DENND1A: variants seen among roughly 807,000 people sequenced by gnomAD.
DENND1A encodes DENN domain containing 1A.
Under a neutral mutation model 113.7 loss-of-function variants are expected in DENND1A, and 51 were observed. The ratio of observed to expected loss-of-function variants is 0.45; its 90% confidence interval spans 0.36 to 0.57. The LOEUF is 0.57. DENND1A is among the 20% of genes least tolerant of loss of function. The probability of loss-of-function intolerance (pLI) is 0.00; values close to 1 mark genes in which losing one functional copy is unlikely to be tolerated. For synonymous variants in DENND1A, 565 were observed against 570.8 expected (o/e 0.99, Z 0.14); for missense variants, 1,258 against 1,395.9 (o/e 0.90, Z 1.57).
chr9:123,499,329 C>T (rs991863813), intron 13 of DENND1A, among the ~76,000 whole-genome samples: 7 of 152,244 alleles, frequency 4.6e-5, no homozygotes, highest in African/African-American at 7.2e-5. Flanking sequence ...CCAGCACGCT[C>T]GGCCTCACTT....
In DENND1A at chr9:123,620,350, A is replaced by T. The variant is rs188154566; in HGVS notation, c.719+10026T>A. Among the ~76,000 whole-genome samples, 4 of 152,148 alleles carry T rather than the reference A, an allele frequency of 2.6e-5. No individual in the cohort carries two copies. The East Asian group carries it at 7.7e-4, about 29-fold the overall frequency. On this transcript the variant is annotated intron_variant, in intron 10 of 23. Coordinates refer to ENST00000394215, the MANE Select transcript of DENND1A (RefSeq NM_001352964.2). ...AGGAAATGAAGGTGCATCTCAGTGTAGGGCTCAGTGACTGTTATCACCTCA... is the reference window on the plus strand; with the variant it reads ...AGGAAATGAAGGTGCATCTCAGTGTTGGGCTCAGTGACTGTTATCACCTCA...
intron 12 of DENND1A, among the ~76,000 whole-genome samples, chr9:123,580,502 C>T (rs2136646396): frequency 6.6e-6 from 1 of 152,354 alleles, no homozygotes; most frequent in Admixed American, 6.5e-5. Flanking sequence ...CAGAGCAGTG[C>T]AGGTGGGACC....
chr9:123,397,980 C>T (rs1205205440), intron 21 of DENND1A, among the ~76,000 whole-genome samples: 1 of 152,164 alleles, frequency 6.6e-6, no homozygotes, highest in Non-Finnish European at 1.5e-5. Context: ...CAGTGTCTCA[C>T]CCATTAGGAG....
intron 5 of DENND1A, among the ~76,000 whole-genome samples, chr9:123,691,401 G>A (rs1302251950): frequency 6.6e-6 from 1 of 152,186 alleles, no homozygotes. Flanking sequence ...GCTAAGTGAG[G>A]AAGGCGAACT....
chr9:123,660,366 C>T (rs1263418063), intron 8 of DENND1A, among the ~76,000 whole-genome samples: 2 of 151,894 alleles, frequency 1.3e-5, no homozygotes, highest in Admixed American at 1.3e-4. Context: ...GCAAAACCAG[C>T]AGAAGGAATG....
intron 2 of DENND1A, among the ~76,000 whole-genome samples, chr9:123,825,015 A>G (rs1352561277): frequency 6.6e-6 from 1 of 152,190 alleles, no homozygotes; most frequent in Non-Finnish European, 1.5e-5. Context: ...CCCAATAAAT[A>G]ATGAATATTT....
chr9:123,415,730 C>T (rs896734782), intron 19 of DENND1A, among the ~76,000 whole-genome samples: 1 of 152,168 alleles, frequency 6.6e-6, no homozygotes, highest in African/African-American at 2.4e-5. Flanking sequence ...TGAGGCCAGT[C>T]ACGAGGGCCC....
At chr9:123,427,157 G>C (rs998668217) in intron 19 of DENND1A, among the ~76,000 whole-genome samples, 1 of 152,210 alleles carries the variant, frequency 6.6e-6, no homozygotes, top group Admixed American at 6.5e-5. Flanking sequence ...GATGCCCTAT[G>C]GCATGATCAC....
chr9:123,668,980 A>G (rs1418861569), intron 7 of DENND1A, among the ~76,000 whole-genome samples: 1 of 152,234 alleles, frequency 6.6e-6, no homozygotes, highest in Non-Finnish European at 1.5e-5. Context: ...TTCACTTAAT[A>G]GCACAGAACC....
chr9:123,600,916 C>T (rs1390160894), intron 11 of DENND1A, among the ~76,000 whole-genome samples: 1 of 152,098 alleles, frequency 6.6e-6, no homozygotes, highest in Non-Finnish European at 1.5e-5. Context: ...CCAGTGCCCA[C>T]GAGCTCTCTG....
chr9:123,879,036 G>C lies in DENND1A; in HGVS notation c.18-15C>G. On this transcript the variant is annotated splice_polypyrimidine_tract_variant and intron_variant, in intron 1 of 23. Coordinates refer to ENST00000394215, the MANE Select transcript of DENND1A (RefSeq NM_001352964.2). ...CTGGATTCTGCCTACAAAAGAAACAGATCATGATTACTGACAAAGATTGAG... is the reference window on the plus strand; with the variant it reads ...CTGGATTCTGCCTACAAAAGAAACACATCATGATTACTGACAAAGATTGAG... 4 of 1,613,278 alleles carry C rather than the reference G, an allele frequency of 2.5e-6. 1 individual carries two copies. The South Asian group carries it at 4.4e-5, about 18-fold the overall frequency.
chr9:123,399,805 G>A (rs1394729366), intron 21 of DENND1A, among the ~76,000 whole-genome samples: 1 of 152,254 alleles, frequency 6.6e-6, no homozygotes, highest in Non-Finnish European at 1.5e-5. Flanking sequence ...GCATCAGAAT[G>A]TCATGGAGAG....
chr9:123,548,455 G>C (rs562983869), intron 13 of DENND1A, among the ~76,000 whole-genome samples: 1 of 152,318 alleles, frequency 6.6e-6, no homozygotes, highest in East Asian at 1.9e-4. Flanking sequence ...GCTTCCCACA[G>C]ACACTGCTAC....
At chr9:123,860,346 ACT>A (rs1798845441) in intron 2 of DENND1A, among the ~76,000 whole-genome samples, 1 of 152,156 alleles carries the variant, frequency 6.6e-6, no homozygotes, top group South Asian at 2.1e-4. Flanking sequence ...CAGGGAGCCT[ACT>A]CTAGTCATTC....
At chr9:123,671,781 T>A (rs2063777614) in intron 6 of DENND1A, among the ~76,000 whole-genome samples, 1 of 152,162 alleles carries the variant, frequency 6.6e-6, no homozygotes, top group Admixed American at 6.5e-5. Flanking sequence ...CTCAATTAAT[T>A]TTATTGAGTG....
intron 21 of DENND1A, among the ~76,000 whole-genome samples, chr9:123,395,748 G>A (rs1247025329): frequency 6.6e-6 from 1 of 152,084 alleles, no homozygotes; most frequent in Non-Finnish European, 1.5e-5. Context: ...AGCTTCATAC[G>A]CACGTCCTAA....
At chr9:123,515,840 G>A (rs1029670122) in intron 13 of DENND1A, among the ~76,000 whole-genome samples, 13 of 151,976 alleles carry the variant, frequency 8.6e-5, no homozygotes, top group African/African-American at 3.1e-4. Context: ...AAGGAGGTGG[G>A]TAGATCCCTT....
At chr9:123,800,912 C>T (rs1834538895) in intron 2 of DENND1A, among the ~76,000 whole-genome samples, 1 of 152,162 alleles carries the variant, frequency 6.6e-6, no homozygotes, top group Non-Finnish European at 1.5e-5. Flanking sequence ...CTTAAGAAAA[C>T]ATGTTCTCAT....
chr9:123,765,604 G>T lies in DENND1A; in HGVS notation c.182+3910C>A, dbSNP rs371114479. Among the ~76,000 whole-genome samples, 3 of 152,302 alleles carry T rather than the reference G, an allele frequency of 2.0e-5. No individual in the cohort carries two copies. In the South Asian group the frequency reaches 6.2e-4, roughly 32 times the overall value. ...AATGGTAGCTGACTTTCAGGGTTCT[G>T]AAAGAGGATAAACACAAAAATGGAA... On this transcript the variant is annotated intron_variant, in intron 4 of 23. Transcript: ENST00000394215.
Sources: allele counts gnomAD v4.1 joint callset (sites outside exome capture counted in the v4.1 genomes callset), GRCh38; gene constraint gnomAD v4.1.1; transcripts MANE v1.5; gene names NCBI Gene and HGNC (gene_info 2026-07-23, HGNC 2026-07-21).